Variants in EFHC1 observed in about 807,000 individuals in gnomAD.
The protein encoded by EFHC1 is EF-hand domain-containing protein 1.
Under a neutral mutation model 69.9 loss-of-function variants are expected in EFHC1, and 53 were observed. The observed-to-expected ratio is 0.76, with a 90% CI of 0.61 to 0.95. The LOEUF (loss-of-function observed/expected upper bound fraction) is 0.95, where lower values mean the gene tolerates loss of function less well. Ranked by LOEUF, EFHC1 falls within the 40% of genes least tolerant of loss-of-function variation. The probability of loss-of-function intolerance (pLI) is 0.00; values close to 1 mark genes in which losing one functional copy is unlikely to be tolerated. For synonymous variants in EFHC1, 256 were observed against 278.4 expected (o/e 0.92, Z 0.80); for missense variants, 739 against 798.7 (o/e 0.93, Z 0.90).
chr6:52,446,388 C>CT (rs1021944910), intron 3 of EFHC1, among the ~76,000 whole-genome samples: 15 of 152,044 alleles, frequency 9.9e-5, no homozygotes, highest in African/African-American at 3.4e-4. Flanking sequence ...GCAACCCCTG[C>CT]TTTTTTTTGT....
intron 3 of EFHC1, among the ~76,000 whole-genome samples, chr6:52,448,867 A>G (rs186335659): frequency 6.5e-4 from 99 of 152,294 alleles, no homozygotes; most frequent in African/African-American, 1.7e-3. Context: ...AATGAAGCCT[A>G]CTTGATTGTG....
chr6:52,473,326 T>C (rs904252503), intron 7 of EFHC1, among the ~76,000 whole-genome samples: 12 of 152,140 alleles, frequency 7.9e-5, no homozygotes, highest in African/African-American at 2.9e-4. Flanking sequence ...AAAAAGAAAA[T>C]TTGACCTCCA....
chr6:52,446,369 A>G (rs1764786435), intron 3 of EFHC1, among the ~76,000 whole-genome samples: 1 of 152,152 alleles, frequency 6.6e-6, no homozygotes, highest in African/African-American at 2.4e-5. Context: ...TTTATCAGAG[A>G]CTAGGATTGC....
intron 3 of EFHC1, among the ~76,000 whole-genome samples, chr6:52,446,392 T>C (rs966363098): frequency 2.0e-5 from 3 of 152,236 alleles, no homozygotes; most frequent in African/African-American, 7.2e-5. Flanking sequence ...CCCCTGCTTT[T>C]TTTTGTTTTC....
intron 2 of EFHC1, among the ~76,000 whole-genome samples, chr6:52,433,842 G>C (rs935643176): frequency 6.6e-6 from 1 of 152,164 alleles, no homozygotes; most frequent in Admixed American, 6.5e-5. Context: ...CCTTGGGCAG[G>C]TCTTGCTGTG....
intron 2 of EFHC1, among the ~76,000 whole-genome samples, chr6:52,425,974 C>T (rs766199447): frequency 2.6e-5 from 4 of 152,184 alleles, no homozygotes; most frequent in Admixed American, 6.5e-5. Flanking sequence ...ATAATTCCAG[C>T]ATCACCTACT....
At chr6:52,461,607 T>C (rs896764419) in intron 5 of EFHC1, among the ~76,000 whole-genome samples, 5 of 152,166 alleles carry the variant, frequency 3.3e-5, no homozygotes, top group Non-Finnish European at 7.4e-5. Context: ...CTGGGTCGAA[T>C]GGGTAGTTCT....
At position 52,493,218 on chromosome 6, in the gene EFHC1, A is replaced by C. The variant is rs1243666243; in HGVS notation, c.*877A>C. 2.2e-6 allele frequency: 1 copy of C among 453,228 alleles called. No homozygotes were observed. Among genetic ancestry groups the C allele is most frequent in the Non-Finnish European group, 4.4e-6 (1 of 226,632 alleles). 28.1% of individuals were successfully genotyped at this position (453,228 alleles called of 1,614,324 possible). On this transcript the variant is annotated 3_prime_UTR_variant, in exon 11 of 11. Transcript: ENST00000371068. ...TGGACCTAAACCATCAGCTCTCCTAAGTCATAGGCCTTTGGATTCAGACTG... is the reference window on the plus strand; with the variant it reads ...TGGACCTAAACCATCAGCTCTCCTACGTCATAGGCCTTTGGATTCAGACTG...
intron 2 of EFHC1, among the ~76,000 whole-genome samples, chr6:52,437,340 G>A (rs534078522): frequency 6.6e-6 from 1 of 152,262 alleles, no homozygotes; most frequent in East Asian, 1.9e-4. Flanking sequence ...TGGAGGTGAA[G>A]CTAGTAGAGT....
intron 7 of EFHC1, among the ~76,000 whole-genome samples, chr6:52,472,154 A>C (rs1765449571): frequency 6.6e-6 from 1 of 152,068 alleles, no homozygotes; most frequent in Admixed American, 6.5e-5. Context: ...AAAAAGTAAA[A>C]ATGAAAGAAA....
chr6:52,460,358 T>C (rs1324905420), intron 5 of EFHC1, among the ~76,000 whole-genome samples: 1 of 152,054 alleles, frequency 6.6e-6, no homozygotes, highest in Non-Finnish European at 1.5e-5. Context: ...AGTGATTGCG[T>C]GAGGATGGTG....
At chr6:52,458,043 A>G (rs1248221658) in intron 5 of EFHC1, among the ~76,000 whole-genome samples, 1 of 152,242 alleles carries the variant, frequency 6.6e-6, no homozygotes, top group Non-Finnish European at 1.5e-5. Context: ...ATTGTCCAGA[A>G]ATAGATGCAC....
chr6:52,459,971 C>T (rs550680746), intron 5 of EFHC1, among the ~76,000 whole-genome samples: 3 of 152,276 alleles, frequency 2.0e-5, no homozygotes, highest in African/African-American at 4.8e-5. Flanking sequence ...CCACCGTACC[C>T]GGCTGACAGT....
chr6:52,481,537 TCTC>T (rs1215452615), intron 9 of EFHC1: 10 of 142,810 alleles, frequency 7.0e-5, no homozygotes, highest in African/African-American at 2.1e-4. Flanking sequence ...TCTCTCTCTC[TCTC>T]GACAGGATCT....
chr6:52,483,977 A>G (rs554221734), intron 9 of EFHC1: 45 of 152,438 alleles, frequency 3.0e-4, no homozygotes, highest in African/African-American at 9.4e-4. Flanking sequence ...CAACAGAAAA[A>G]TGGGGCAGCA....
chr6:52,489,995 G>C, intron 9 of EFHC1, 145 bp from the exon 10 acceptor site: 1 of 770,894 alleles, frequency 1.3e-6, no homozygotes, highest in South Asian at 1.6e-5. Context: ...TCGGCCTGTG[G>C]GCAAGTGTTC....
At chr6:52,454,385 C>T in intron 5 of EFHC1, 98 bp downstream of exon 5, 3 of 1,463,872 alleles carry the variant, frequency 2.0e-6, no homozygotes, top group Non-Finnish European at 2.8e-6. Flanking sequence ...TACTTGGAAG[C>T]CTCTAGCTAT....
chr6:52,462,330 A>G (rs1765186457), intron 5 of EFHC1, among the ~76,000 whole-genome samples: 1 of 152,006 alleles, frequency 6.6e-6, no homozygotes, highest in Admixed American at 6.5e-5. Flanking sequence ...ATGCTTACTT[A>G]AGAAAGAAGA....
chr6:52,470,595 CT>C (rs2114013808), intron 7 of EFHC1, among the ~76,000 whole-genome samples: 1 of 152,340 alleles, frequency 6.6e-6, no homozygotes, highest in Admixed American at 6.5e-5. Context: ...GGCTAATTGT[CT>C]TGTCCCAGGT....
Sources: gnomAD v4.1 joint callset for allele counts (sites outside exome capture counted in the v4.1 genomes callset) on GRCh38, gnomAD v4.1.1 for gene constraint, MANE v1.5 for transcripts, NCBI Gene and HGNC (gene_info 2026-07-23, HGNC 2026-07-21) for gene names.